The following MAML3 variants were observed in gnomAD, a reference collection of about 807,000 sequenced individuals.
The protein encoded by MAML3 is mastermind like transcriptional coactivator 3, also known as mastermind-like protein 3.
A neutral mutation model predicts 101.9 loss-of-function variants in MAML3; 27 were observed. The observed-to-expected ratio is 0.27, with a 90% CI of 0.20 to 0.37. MAML3 has a LOEUF of 0.37. Among genes scored for constraint, MAML3 ranks in the 10% least tolerant of loss-of-function variants. The pLI is 1.00. For synonymous variants in MAML3, 501 were observed against 555.9 expected (o/e 0.90, Z 1.39); for missense variants, 1,316 against 1,444.9 (o/e 0.91, Z 1.45).
intron 1 of MAML3, among the ~76,000 whole-genome samples, chr4:140,107,834 C>T (rs1157579550): frequency 6.6e-6 from 1 of 151,250 alleles, no homozygotes; most frequent in African/African-American, 2.4e-5. Context: ...TAGAAAAGAC[C>T]CCTCAGCCAG....
At chr4:140,143,330 T>C (rs894124455) in intron 1 of MAML3, among the ~76,000 whole-genome samples, 5 of 152,138 alleles carry the variant, frequency 3.3e-5, no homozygotes. Context: ...CAACTTTAAG[T>C]CTGCATTTGG....
chr4:140,041,163 A>G (rs1191118753), intron 1 of MAML3, among the ~76,000 whole-genome samples: 1 of 152,184 alleles, frequency 6.6e-6, no homozygotes, highest in Non-Finnish European at 1.5e-5. Context: ...ATACAGAGGT[A>G]TCTGAATTTT....
At chr4:140,062,001 C>T (rs1280010338) in intron 1 of MAML3, among the ~76,000 whole-genome samples, 1 of 152,114 alleles carries the variant, frequency 6.6e-6, no homozygotes, top group Non-Finnish European at 1.5e-5. Flanking sequence ...ATCCCCAACA[C>T]AAATACCTCC....
intron 1 of MAML3, among the ~76,000 whole-genome samples, chr4:140,072,879 C>T (rs957605087): frequency 1.3e-5 from 2 of 152,044 alleles, no homozygotes; most frequent in African/African-American, 4.8e-5. Flanking sequence ...CATGAAGTTG[C>T]CACTTCTTTG....
At chr4:139,936,581 C>T (rs1351399539) in intron 1 of MAML3, among the ~76,000 whole-genome samples, 9 of 152,220 alleles carry the variant, frequency 5.9e-5, no homozygotes, top group Non-Finnish European at 8.8e-5. Context: ...CTTGTAGTTC[C>T]ACCTACTTGG....
chr4:139,724,028 G>T (rs2110967576), intron 4 of MAML3, among the ~76,000 whole-genome samples: 1 of 152,272 alleles, frequency 6.6e-6, no homozygotes, highest in Non-Finnish European at 1.5e-5. Flanking sequence ...ATGATGACTA[G>T]TCCCCACTCT....
At chr4:140,040,890 A>G (rs1266816303) in intron 1 of MAML3, among the ~76,000 whole-genome samples, 4 of 152,140 alleles carry the variant, frequency 2.6e-5, no homozygotes, top group African/African-American at 9.7e-5. Context: ...CTGAGCTAAT[A>G]CATTTAATTC....
intron 1 of MAML3, among the ~76,000 whole-genome samples, chr4:140,069,231 T>C (rs17005526): frequency 0.03 from 4,627 of 152,176 alleles, 222 homozygotes; most frequent in African/African-American, 0.1. Context: ...TCTTTTGACT[T>C]GGTTGCACTA....
At chr4:139,976,634 G>T (rs1006827877) in intron 1 of MAML3, among the ~76,000 whole-genome samples, 8 of 152,316 alleles carry the variant, frequency 5.3e-5, no homozygotes, top group African/African-American at 1.9e-4. Flanking sequence ...TATGTGGTTA[G>T]TATGTACTTA....
At chr4:140,122,220 C>CT (rs369602172) in intron 1 of MAML3, among the ~76,000 whole-genome samples, 5,869 of 124,554 alleles carry the variant, frequency 0.047, 418 homozygotes, top group African/African-American at 0.11. Flanking sequence ...TCAAACGAGA[C>CT]TTTTTTTTTT....
chr4:139,996,622 TTACTTTTA>T (rs1478873315), intron 1 of MAML3, among the ~76,000 whole-genome samples: 2 of 152,138 alleles, frequency 1.3e-5, no homozygotes, highest in Non-Finnish European at 2.9e-5. Flanking sequence ...TTTTACTTTT[TTACTTTTA>T]TACTAATATG....
intron 1 of MAML3, among the ~76,000 whole-genome samples, chr4:139,971,032 A>G (rs1466581266): frequency 6.6e-6 from 1 of 152,218 alleles, no homozygotes; most frequent in Non-Finnish European, 1.5e-5. Flanking sequence ...AAGCCTTAGA[A>G]TTATGATATG....
intron 1 of MAML3, among the ~76,000 whole-genome samples, chr4:140,065,877 C>T (rs1224283991): frequency 1.3e-5 from 2 of 152,186 alleles, no homozygotes; most frequent in Non-Finnish European, 2.9e-5. Context: ...GGAAACATAC[C>T]ACAGCACCGC....
In MAML3 at chr4:139,868,779, GA is replaced by G. The variant is rs374341425; in HGVS notation, c.2079+20577del. On this transcript the variant is annotated intron_variant, in intron 2 of 4. Transcript: ENST00000509479. ...CTTTGTGTCAAAAGAAATAGAATGT[GA>G]AAAAAAAATGAACTGGTAAAATTTC... Among the ~76,000 whole-genome samples, 679 of 149,686 alleles carry G rather than the reference GA, an allele frequency of 4.5e-3. 3 individuals are homozygous for G. The highest frequency in any genetic ancestry group is 0.022 in the South Asian group (103 of 4,728).
At chr4:139,851,978 T>C (rs1731562876) in intron 2 of MAML3, among the ~76,000 whole-genome samples, 1 of 152,334 alleles carries the variant, frequency 6.6e-6, no homozygotes, top group Non-Finnish European at 1.5e-5. Flanking sequence ...TCTAAGACCC[T>C]GAGTACCTTA....
chr4:139,734,438 T>C (rs942044028), intron 2 of MAML3, among the ~76,000 whole-genome samples: 4 of 152,248 alleles, frequency 2.6e-5, no homozygotes, highest in East Asian at 1.9e-4. Flanking sequence ...AGAATCTTAA[T>C]ACAGTTTCTT....
intron 1 of MAML3, among the ~76,000 whole-genome samples, chr4:140,003,982 C>T (rs562965764): frequency 6.6e-6 from 1 of 152,348 alleles, no homozygotes; most frequent in Admixed American, 6.5e-5. Flanking sequence ...GCAAGAGAAT[C>T]ACTTAGAAAG....
intron 1 of MAML3, among the ~76,000 whole-genome samples, chr4:139,897,876 C>T (rs573153920): frequency 6.6e-6 from 1 of 152,222 alleles, no homozygotes; most frequent in Non-Finnish European, 1.5e-5. Flanking sequence ...TACCCCGCAA[C>T]CCCACTCAAC....
At chr4:139,779,202 T>C (rs1730153988) in intron 2 of MAML3, among the ~76,000 whole-genome samples, 1 of 152,114 alleles carries the variant, frequency 6.6e-6, no homozygotes, top group Admixed American at 6.5e-5. Context: ...TCTATTTTAT[T>C]TTTGCCCTAA....
Sources: allele counts gnomAD v4.1 joint callset (sites outside exome capture counted in the v4.1 genomes callset), GRCh38; gene constraint gnomAD v4.1.1; transcripts MANE v1.5; gene names NCBI Gene and HGNC (gene_info 2026-07-23, HGNC 2026-07-21).